Variants in SLCO1A2 observed in about 807,000 individuals in gnomAD.
SLCO1A2 encodes the protein OATP-1.
A neutral mutation model predicts 69.0 loss-of-function variants in SLCO1A2; 67 were observed. The observed-to-expected ratio is 0.97, with a 90% CI of 0.80 to 1.19. The LOEUF is 1.19. SLCO1A2 is among the 50% of genes most tolerant of loss of function. SLCO1A2 has a pLI of 0.00. For missense variants in SLCO1A2, 787 were observed against 793.7 expected, an observed-to-expected ratio of 0.99 and a Z score of 0.10; for synonymous variants, 260 against 265.9, an observed-to-expected ratio of 0.98 and a Z score of 0.22.
rs1160132507 is a variant in SLCO1A2 at position 21,378,490 on chromosome 12, G to A, written c.-189-3965C>T. 7.5e-6 allele frequency: 10 copies of A among 1,336,474 alleles called. No homozygotes were observed. The East Asian group carries it at 1.6e-4, about 22-fold the overall frequency. 82.8% of individuals were successfully genotyped at this position (1,336,474 alleles called of 1,614,324 possible). On this transcript the variant is annotated intron_variant, in intron 1 of 15. Transcript: ENST00000307378. ...GTGATTTCCTGTATAATTTAACAGTGCCCTTTTCATCTCCAGTGTGAATAT... is the reference window on the plus strand; with the variant it reads ...GTGATTTCCTGTATAATTTAACAGTACCCTTTTCATCTCCAGTGTGAATAT...
intron 2 of SLCO1A2, among the ~76,000 whole-genome samples, chr12:21,348,871 C>T (rs1437213811): frequency 6.6e-6 from 1 of 152,208 alleles, no homozygotes; most frequent in East Asian, 1.9e-4. Context: ...TCCAAACCCA[C>T]AGACTATACA....
At chr12:21,312,451 T>C (rs1012709773) in intron 4 of SLCO1A2, among the ~76,000 whole-genome samples, 1 of 152,218 alleles carries the variant, frequency 6.6e-6, no homozygotes, top group African/African-American at 2.4e-5. Context: ...CACTTTCTAA[T>C]CATTTGTGTC....
At chr12:21,292,141 A>G (rs1946957661) in intron 12 of SLCO1A2, 23 bp downstream of exon 12, 2 of 1,498,556 alleles carry the variant, frequency 1.3e-6, no homozygotes, top group Admixed American at 4.9e-5. Context: ...AAAAAAATAT[A>G]AATAAAGAAA....
rs530809771 is a variant in SLCO1A2 at position 21,391,672 on chromosome 12, A to G, written c.-190+3234T>C. Among the ~76,000 whole-genome samples, 99 of 151,382 alleles carry G rather than the reference A, an allele frequency of 6.5e-4. 1 individual carries two copies. Among genetic ancestry groups the G allele is most frequent in the Non-Finnish European group, 8.1e-4 (55 of 67,842 alleles). The stretch of plus-strand genomic sequence containing the variant: ...CCTATCAAATTCATTTTATAGGTCC[A>G]TTTTTTTTAAATTCCACTGACACTG... On this transcript the variant is annotated intron_variant, in intron 1 of 15. Transcript: ENST00000307378.
intron 6 of SLCO1A2, among the ~76,000 whole-genome samples, chr12:21,303,142 TAC>T (rs1166610248): frequency 6.6e-6 from 1 of 152,122 alleles, no homozygotes; most frequent in Non-Finnish European, 1.5e-5. Context: ...TACATATATA[TAC>T]ACACTACATA....
intron 2 of SLCO1A2, among the ~76,000 whole-genome samples, chr12:21,367,978 C>A (rs972569290): frequency 1.3e-5 from 2 of 152,032 alleles, no homozygotes; most frequent in South Asian, 4.1e-4. Context: ...AAATGAATGA[C>A]AGAATTAGAC....
At chr12:21,319,472 T>C in intron 2 of SLCO1A2, 3 of 1,366,640 alleles carry the variant, frequency 2.2e-6, no homozygotes, top group Non-Finnish European at 2.9e-6. Flanking sequence ...ATCTGAGTTA[T>C]GTCCTCATTC....
chr12:21,388,958 T>G (rs1042956246), intron 1 of SLCO1A2, among the ~76,000 whole-genome samples: 3 of 152,224 alleles, frequency 2.0e-5, no homozygotes, highest in Non-Finnish European at 2.9e-5. Flanking sequence ...AATACCATAA[T>G]ACAGCAATCC....
At chr12:21,315,412 G>C (rs777767405) in intron 3 of SLCO1A2, among the ~76,000 whole-genome samples, 75 of 152,138 alleles carry the variant, frequency 4.9e-4, no homozygotes, top group Admixed American at 7.9e-4. Context: ...GAAGAGTGTG[G>C]AATAAAGATT....
chr12:21,291,434 T>A (rs1407282904), intron 12 of SLCO1A2, among the ~76,000 whole-genome samples: 2 of 152,110 alleles, frequency 1.3e-5, no homozygotes, highest in East Asian at 3.9e-4. Flanking sequence ...TAAGAGAGAA[T>A]CCTTGCACTG....
chr12:21,287,229 A>G (rs1160147981), intron 12 of SLCO1A2, among the ~76,000 whole-genome samples: 2 of 149,150 alleles, frequency 1.3e-5, no homozygotes, highest in African/African-American at 5.0e-5. Context: ...TCAAAAGAAG[A>G]CATTTATGCA....
At chr12:21,335,396 A>ATG (rs1433970403), upstream of SLCO1A2, among the ~76,000 whole-genome samples, 8,848 of 152,098 alleles carry the variant, frequency 0.058, 826 homozygotes, top group African/African-American at 0.2. Context: ...ATAGGTATAG[A>ATG]TATATGTGGA....
Position 21,314,697 on chromosome 12 carries a change from G to A in SLCO1A2, c.203-16C>T, listed in dbSNP as rs554428053. 1.3e-6 allele frequency: 2 copies of A among 1,566,008 alleles called. No individual in the cohort carries two copies. Among genetic ancestry groups the A allele is most frequent in the Admixed American group, 3.4e-5 (2 of 59,528 alleles). ...AAAAGATTTCCTAGGAAAAAATTGA[G>A]AATAATCATTTTAAAAAGTATGAAC... On this transcript the variant is annotated splice_polypyrimidine_tract_variant and intron_variant, in intron 3 of 14. Coordinates refer to ENST00000683939, the MANE Select transcript of SLCO1A2 (RefSeq NM_001386879.1).
In SLCO1A2 at chr12:21,374,498, T is replaced by C. The variant is rs558422879; in HGVS notation, c.-162A>G. 4 of 152,320 alleles carry C rather than the reference T, an allele frequency of 2.6e-5. No individual in the cohort carries two copies. The East Asian group carries it at 7.7e-4, about 29-fold the overall frequency. 9.4% of individuals were successfully genotyped at this position (152,320 alleles called of 1,614,324 possible). A position where few individuals can be genotyped will look rare whatever the true frequency, so the allele number is the denominator to read the frequency against. On this transcript the variant is annotated 5_prime_UTR_variant, in exon 2 of 16. Coordinates refer to the SLCO1A2 transcript ENST00000307378. ...CGAGGTAGTTTTTCTTGGAAGCCCA[T>C]AGCAATATGCAAAGATTTCTACAGC...
chr12:21,359,240 T>C (rs1334190773), intron 2 of SLCO1A2, among the ~76,000 whole-genome samples: 8 of 152,024 alleles, frequency 5.3e-5, no homozygotes, highest in Non-Finnish European at 8.8e-5. Flanking sequence ...CTAACAACAG[T>C]TTAATTTCTG....
intron 12 of SLCO1A2, among the ~76,000 whole-genome samples, chr12:21,278,445 T>C (rs985875448): frequency 6.6e-5 from 10 of 152,024 alleles, no homozygotes; most frequent in African/African-American, 2.4e-4. Context: ...AGACTAGTGC[T>C]GTGCTGGATT....
intron 5 of SLCO1A2, 103 bp from the exon 6 acceptor site, chr12:21,304,676 G>A: frequency 9.3e-7 from 1 of 1,072,248 alleles, no homozygotes; most frequent in Non-Finnish European, 1.4e-6. Flanking sequence ...TATGACCATG[G>A]CCCCTTGTCA....
intron 2 of SLCO1A2, among the ~76,000 whole-genome samples, chr12:21,365,938 T>C (rs892861369): frequency 1.3e-5 from 2 of 152,206 alleles, no homozygotes; most frequent in Non-Finnish European, 2.9e-5. Context: ...GGAACACTTT[T>C]ACACTGTTGG....
At chr12:21,373,452 G>A in intron 2 of SLCO1A2, 2 of 1,547,246 alleles carry the variant, frequency 1.3e-6, no homozygotes, top group Non-Finnish European at 1.8e-6. Context: ...TTAAAATCCT[G>A]TTTCTTTGTA....
Sources: allele counts gnomAD v4.1 joint callset (sites outside exome capture counted in the v4.1 genomes callset), GRCh38; gene constraint gnomAD v4.1.1; transcripts MANE v1.5; gene names NCBI Gene and HGNC (gene_info 2026-07-23, HGNC 2026-07-21).